Variants in EEPD1 observed in about 807,000 individuals in gnomAD.
EEPD1 encodes the protein endonuclease/exonuclease/phosphatase family domain containing 1.
Under a neutral mutation model 46.3 loss-of-function variants are expected in EEPD1, and 17 were observed. The observed-to-expected ratio is 0.37, with a 90% confidence interval of 0.25 to 0.55. The LOEUF (loss-of-function observed/expected upper bound fraction) is 0.55, where lower values mean the gene tolerates loss of function less well. EEPD1 is among the 20% of genes least tolerant of loss of function. The probability of loss-of-function intolerance (pLI) is 0.83; values close to 1 mark genes in which losing one functional copy is unlikely to be tolerated. For synonymous variants in EEPD1, 313 were observed against 315.6 expected (o/e 0.99, Z 0.09); for missense variants, 673 against 745.6 (o/e 0.90, Z 1.13).
chr7:36,255,375 C>A (rs968349664), intron 3 of EEPD1, among the ~76,000 whole-genome samples: 5 of 152,172 alleles, frequency 3.3e-5, no homozygotes, highest in Admixed American at 2.6e-4. Flanking sequence ...GTTTTTCCAA[C>A]ACCATTTATT....
chr7:36,266,073 G>A (rs1787011340), intron 3 of EEPD1, among the ~76,000 whole-genome samples: 1 of 152,030 alleles, frequency 6.6e-6, no homozygotes, highest in Non-Finnish European at 1.5e-5. Flanking sequence ...TCATGGCGTG[G>A]CCATCCCTGT....
chr7:36,228,548 C>T (rs921591850), intron 2 of EEPD1: 1 of 150,818 alleles, frequency 6.6e-6, no homozygotes, highest in African/African-American at 2.4e-5. Flanking sequence ...AAAAAAAAAA[C>T]TGCTGTGGAA....
chr7:36,164,246 C>T (rs2115609823), intron 2 of EEPD1, among the ~76,000 whole-genome samples: 1 of 152,354 alleles, frequency 6.6e-6, no homozygotes, highest in Admixed American at 6.5e-5. Flanking sequence ...AAGTATCCAT[C>T]TTCGTTTTCT....
chr7:36,223,280 T>C (rs1351871263), intron 2 of EEPD1, among the ~76,000 whole-genome samples: 1 of 152,164 alleles, frequency 6.6e-6, no homozygotes, highest in Non-Finnish European at 1.5e-5. Flanking sequence ...GTGGAGCTGG[T>C]GTGCAAGGGC....
At chr7:36,223,496 C>G (rs747452622) in intron 2 of EEPD1, among the ~76,000 whole-genome samples, 3 of 152,154 alleles carry the variant, frequency 2.0e-5, no homozygotes, top group Non-Finnish European at 4.4e-5. Flanking sequence ...AGAACGTAAG[C>G]TTCGTCAGAG....
intron 2 of EEPD1, among the ~76,000 whole-genome samples, chr7:36,184,538 G>T (rs1785329311): frequency 6.6e-6 from 1 of 152,140 alleles, no homozygotes; most frequent in African/African-American, 2.4e-5. Flanking sequence ...AGTAAGGTCT[G>T]GAGCAACCAA....
chr7:36,216,145 T>C (rs1786026545), intron 2 of EEPD1, among the ~76,000 whole-genome samples: 1 of 152,162 alleles, frequency 6.6e-6, no homozygotes, highest in African/African-American at 2.4e-5. Context: ...AGTATTCTAG[T>C]TTATCCAGAG....
chr7:36,237,422 C>A (rs1446606224), intron 2 of EEPD1, among the ~76,000 whole-genome samples: 2 of 152,122 alleles, frequency 1.3e-5, no homozygotes, highest in Non-Finnish European at 2.9e-5. Flanking sequence ...CAGGCATGAG[C>A]CACTGCGTTG....
intron 2 of EEPD1, among the ~76,000 whole-genome samples, chr7:36,176,623 A>G (rs1444505959): frequency 6.6e-6 from 1 of 152,248 alleles, no homozygotes; most frequent in African/African-American, 2.4e-5. Context: ...TAATGACTCC[A>G]TAAAACAAAA....
chr7:36,264,355 T>C (rs1049395720), intron 3 of EEPD1, among the ~76,000 whole-genome samples: 1 of 152,188 alleles, frequency 6.6e-6, no homozygotes, highest in South Asian at 2.1e-4. Context: ...TGGATAATCT[T>C]GAGTCTGTTA....
At chr7:36,174,348 T>C (rs1372455321) in intron 2 of EEPD1, among the ~76,000 whole-genome samples, 1 of 152,230 alleles carries the variant, frequency 6.6e-6, no homozygotes, top group Non-Finnish European at 1.5e-5. Flanking sequence ...TAAAATTCTT[T>C]TCAGGCAAGG....
At chr7:36,184,521 G>A (rs981447876) in intron 2 of EEPD1, among the ~76,000 whole-genome samples, 1 of 152,162 alleles carries the variant, frequency 6.6e-6, no homozygotes, top group Non-Finnish European at 1.5e-5. Flanking sequence ...GACTGTGTGA[G>A]GGCAGGAGTA....
At chr7:36,164,508 G>C (rs1784949405) in intron 2 of EEPD1, among the ~76,000 whole-genome samples, 2 of 152,154 alleles carry the variant, frequency 1.3e-5, no homozygotes, top group South Asian at 4.1e-4. Flanking sequence ...AGGTTGGTTA[G>C]GATAACATCT....
intron 3 of EEPD1, among the ~76,000 whole-genome samples, chr7:36,267,905 A>G (rs370509903): frequency 4.6e-5 from 7 of 152,188 alleles, no homozygotes; most frequent in Admixed American, 2.6e-4. Context: ...GAGACATGAG[A>G]TAGATTATCT....
chr7:36,218,107 G>A (rs1378356677), intron 2 of EEPD1, among the ~76,000 whole-genome samples: 2 of 152,168 alleles, frequency 1.3e-5, no homozygotes, highest in Admixed American at 1.3e-4. Flanking sequence ...ACGATACTCT[G>A]ATTGTTATTA....
intron 6 of EEPD1, among the ~76,000 whole-genome samples, chr7:36,292,173 CG>C (rs1385970779): frequency 6.6e-6 from 1 of 151,886 alleles, no homozygotes; most frequent in Admixed American, 6.6e-5. Context: ...GCGCTTCTGG[CG>C]GCTCCTCTAA....
intron 2 of EEPD1, among the ~76,000 whole-genome samples, chr7:36,238,417 A>G (rs1237662368): frequency 6.6e-6 from 1 of 152,188 alleles, no homozygotes; most frequent in African/African-American, 2.4e-5. Flanking sequence ...CTGTGGTTCA[A>G]ATGCCCCTGA....
intron 2 of EEPD1, among the ~76,000 whole-genome samples, chr7:36,212,557 T>TTTTTTTTTTTTTTTTTTG (rs1554315023): frequency 7.4e-6 from 1 of 135,784 alleles, no homozygotes; most frequent in Admixed American, 7.9e-5. Flanking sequence ...TAGTGGTTCT[T>TTTTTTTTTTTTTTTTTTG]AACCTCTGTT....
chr7:36,293,149 C>T (rs1787474141), intron 6 of EEPD1, among the ~76,000 whole-genome samples: 1 of 151,562 alleles, frequency 6.6e-6, no homozygotes, highest in African/African-American at 2.4e-5. Context: ...AACAAAGATC[C>T]CATTCATAAT....
Sources: allele counts gnomAD v4.1 joint callset (sites outside exome capture counted in the v4.1 genomes callset), GRCh38; gene constraint gnomAD v4.1.1; transcripts MANE v1.5; gene names NCBI Gene and HGNC (gene_info 2026-07-23, HGNC 2026-07-21).